The following RANBP17 variants were observed in gnomAD, a reference collection of about 807,000 sequenced individuals.
The protein encoded by RANBP17 is ran-binding protein 17.
Under a neutral mutation model 141.2 loss-of-function variants are expected in RANBP17, and 158 were observed. The observed-to-expected ratio is 1.12, with a 90% CI of 0.98 to 1.28. The LOEUF (loss-of-function observed/expected upper bound fraction) is 1.28, where lower values mean the gene tolerates loss of function less well. Ranked by LOEUF, RANBP17 falls within the 50% of genes most tolerant of loss-of-function variation. The pLI is 0.00. For missense variants in RANBP17, 1,438 were observed against 1,290.7 expected (o/e 1.11, Z -1.75); for synonymous variants, 430 against 450.0 (o/e 0.96, Z 0.56).
intron 19 of RANBP17, among the ~76,000 whole-genome samples, chr5:171,203,999 G>A (rs910438855): frequency 6.6e-6 from 1 of 152,110 alleles, no homozygotes. Context: ...GTGAAAAGCT[G>A]AGAAAGAGAG....
At chr5:171,241,753 A>G (rs779635067) in intron 23 of RANBP17, among the ~76,000 whole-genome samples, 1 of 152,048 alleles carries the variant, frequency 6.6e-6, no homozygotes, top group Non-Finnish European at 1.5e-5. Context: ...TTTTTCTCTA[A>G]TTTTTTTATT....
At chr5:171,017,360 A>G (rs1780513577) in intron 14 of RANBP17, among the ~76,000 whole-genome samples, 1 of 152,154 alleles carries the variant, frequency 6.6e-6, no homozygotes, top group South Asian at 2.1e-4. Context: ...ACTCATTTAC[A>G]TTCCCACCAA....
chr5:170,907,037 C>T (rs1467697100), intron 5 of RANBP17, among the ~76,000 whole-genome samples: 1 of 151,868 alleles, frequency 6.6e-6, no homozygotes, highest in Non-Finnish European at 1.5e-5. Context: ...GTAGGGAGAT[C>T]TATAATGCAT....
chr5:171,224,919 A>T (rs1763801296), intron 22 of RANBP17, among the ~76,000 whole-genome samples: 1 of 152,220 alleles, frequency 6.6e-6, no homozygotes, highest in Admixed American at 6.5e-5. Context: ...AGTTAATATG[A>T]CCTTGGTTAA....
intron 13 of RANBP17, among the ~76,000 whole-genome samples, chr5:170,956,066 T>C (rs1240044785): frequency 6.6e-6 from 1 of 151,702 alleles, no homozygotes; most frequent in East Asian, 1.9e-4. Context: ...TAGCTTTTTA[T>C]ATTTATTTTT....
At chr5:171,004,861 A>G (rs1299785215) in intron 14 of RANBP17, among the ~76,000 whole-genome samples, 1 of 152,166 alleles carries the variant, frequency 6.6e-6, no homozygotes, top group East Asian at 1.9e-4. Flanking sequence ...AGCAAGGTCC[A>G]TGAGGATGTT....
At chr5:171,206,406 T>C (rs957042152) in intron 20 of RANBP17, 2 of 153,548 alleles carry the variant, frequency 1.3e-5, no homozygotes, top group Admixed American at 6.5e-5. Context: ...TTGTAAATGG[T>C]CGTTAATATT....
intron 14 of RANBP17, among the ~76,000 whole-genome samples, chr5:171,003,246 G>A (rs1288096916): frequency 6.6e-6 from 1 of 152,302 alleles, no homozygotes; most frequent in East Asian, 1.9e-4. Context: ...GTTAGGATGA[G>A]TCAGGGAAAG....
chr5:171,036,839 T>C (rs760458956), intron 14 of RANBP17, among the ~76,000 whole-genome samples: 43 of 152,354 alleles, frequency 2.8e-4, no homozygotes, highest in East Asian at 9.6e-4. Context: ...CAGTCCATCA[T>C]TGATGAACAT....
At chr5:171,110,578 A>G (rs1755154554) in intron 14 of RANBP17, among the ~76,000 whole-genome samples, 1 of 152,130 alleles carries the variant, frequency 6.6e-6, no homozygotes, top group South Asian at 2.1e-4. Context: ...ACATTATACT[A>G]CCAAAAGACA....
intron 10 of RANBP17, among the ~76,000 whole-genome samples, chr5:170,919,219 G>A (rs1284089728): frequency 1.3e-5 from 2 of 151,934 alleles, no homozygotes; most frequent in Admixed American, 1.3e-4. Context: ...TGATTAGAGG[G>A]AAGTAGAGTA....
intron 12 of RANBP17, among the ~76,000 whole-genome samples, chr5:170,927,529 A>G (rs932759269): frequency 6.6e-6 from 1 of 152,000 alleles, no homozygotes; most frequent in Non-Finnish European, 1.5e-5. Flanking sequence ...TTTGTAAATG[A>G]ACAATTCATT....
chr5:171,129,389 C>T (rs1024403492), intron 14 of RANBP17, among the ~76,000 whole-genome samples: 2 of 152,084 alleles, frequency 1.3e-5, no homozygotes, highest in Non-Finnish European at 2.9e-5. Context: ...TTAATTAAAG[C>T]TGTGTGGACT....
intron 14 of RANBP17, among the ~76,000 whole-genome samples, chr5:171,072,794 G>A (rs77401459): frequency 0.026 from 4,027 of 152,174 alleles, 162 homozygotes; most frequent in African/African-American, 0.091. Context: ...ATATGCAAAT[G>A]TTTATAGCAG....
intron 14 of RANBP17, among the ~76,000 whole-genome samples, chr5:171,125,296 C>A (rs1220731690): frequency 8.0e-3 from 686 of 85,728 alleles, no homozygotes; most frequent in South Asian, 9.4e-3. Flanking sequence ...GACTATGTAT[C>A]AAAAAAAAAA....
intron 14 of RANBP17, among the ~76,000 whole-genome samples, chr5:171,155,094 A>AAAATATATATATAT (rs34090443): frequency 1.3e-5 from 1 of 74,984 alleles, no homozygotes; most frequent in African/African-American, 5.2e-5. Flanking sequence ...AAAAAAAAAA[A>AAAATATATATATAT]ATATATATAT....
intron 13 of RANBP17, among the ~76,000 whole-genome samples, chr5:170,954,563 A>T (rs1212834168): frequency 3.4e-5 from 2 of 58,472 alleles, no homozygotes; most frequent in South Asian, 5.5e-4. Context: ...CCACCCACCC[A>T]CCTCAACACC....
At chr5:171,245,999 C>T (rs1021929706) in intron 24 of RANBP17, among the ~76,000 whole-genome samples, 1 of 152,006 alleles carries the variant, frequency 6.6e-6, no homozygotes, top group African/African-American at 2.4e-5. Context: ...CTACCTCAGC[C>T]TCCCAAGTAC....
intron 14 of RANBP17, among the ~76,000 whole-genome samples, chr5:170,972,182 T>C (rs1777036748): frequency 1.4e-5 from 2 of 147,766 alleles, no homozygotes; most frequent in Non-Finnish European, 3.0e-5. Context: ...AGGATTTTTT[T>C]TTTTTTTTTT....
Sources: gnomAD v4.1 joint callset for allele counts (sites outside exome capture counted in the v4.1 genomes callset) on GRCh38, gnomAD v4.1.1 for gene constraint, MANE v1.5 for transcripts, NCBI Gene and HGNC (gene_info 2026-07-23, HGNC 2026-07-21) for gene names.